Variants in MCTP2 observed in about 807,000 individuals in gnomAD.
MCTP2 encodes multiple C2 and transmembrane domain containing 2.
MCTP2 carries 132 observed loss-of-function variants against 111.6 expected under a neutral mutation model. The observed-to-expected ratio is 1.18, with a 90% CI of 1.03 to 1.37. The LOEUF (loss-of-function observed/expected upper bound fraction) is 1.37. Among genes scored for constraint, MCTP2 ranks in the 40% most tolerant of loss-of-function variants. The probability of loss-of-function intolerance (pLI) is 0.00; values close to 1 mark genes in which losing one functional copy is unlikely to be tolerated. For synonymous variants in MCTP2, 395 were observed against 387.7 expected (o/e 1.02, Z -0.22); for missense variants, 1,183 against 1,067.9 (o/e 1.11, Z -1.50).
At chr15:94,366,723 G>A (rs918494897) in intron 10 of MCTP2, among the ~76,000 whole-genome samples, 6 of 152,072 alleles carry the variant, frequency 3.9e-5, no homozygotes, top group South Asian at 2.1e-4. Flanking sequence ...AAAAAATGAC[G>A]TCTGGGAATA....
chr15:94,354,291 G>A (rs545003775), intron 8 of MCTP2, among the ~76,000 whole-genome samples: 1 of 152,230 alleles, frequency 6.6e-6, no homozygotes, highest in Admixed American at 6.5e-5. Context: ...TATTGATATG[G>A]TTAGACTTTG....
intron 2 of MCTP2, among the ~76,000 whole-genome samples, chr15:94,301,677 G>C (rs1191163036): frequency 7.2e-5 from 11 of 152,126 alleles, no homozygotes; most frequent in Non-Finnish European, 8.8e-5. Flanking sequence ...TTTCCTGTGA[G>C]TTTTCTTTAG....
chr15:94,339,158 A>G (rs754583645), intron 4 of MCTP2, 132 bp from the exon 5 acceptor site: 3 of 586,278 alleles, frequency 5.1e-6, no homozygotes, highest in Admixed American at 3.3e-5. Context: ...CCTGTCTTCC[A>G]TCTCCGAGCC....
intron 20 of MCTP2, among the ~76,000 whole-genome samples, chr15:94,459,301 C>A (rs1407310731): frequency 5.9e-5 from 9 of 152,188 alleles, no homozygotes; most frequent in African/African-American, 2.2e-4. Flanking sequence ...CAAGGGAAAG[C>A]CTTATGCATT....
At chr15:94,365,918 C>T (rs954297738) in intron 10 of MCTP2, among the ~76,000 whole-genome samples, 8 of 152,106 alleles carry the variant, frequency 5.3e-5, no homozygotes, top group African/African-American at 1.9e-4. Context: ...ATTTACCTTT[C>T]CATAAGAAAG....
intron 1 of MCTP2, among the ~76,000 whole-genome samples, chr15:94,286,250 T>C (rs1316419671): frequency 6.6e-6 from 1 of 152,240 alleles, no homozygotes; most frequent in Non-Finnish European, 1.5e-5. Context: ...TCTATTAAAG[T>C]GCAGAATAAT....
chr15:94,304,701 T>G (rs1191208658), intron 2 of MCTP2, among the ~76,000 whole-genome samples: 2 of 152,186 alleles, frequency 1.3e-5, no homozygotes, highest in East Asian at 3.9e-4. Flanking sequence ...ATGGGCTCCA[T>G]GCTGAATGGC....
chr15:94,357,850 G>C (rs1447091137), intron 9 of MCTP2, among the ~76,000 whole-genome samples: 3 of 152,176 alleles, frequency 2.0e-5, no homozygotes. Context: ...CGTAGAAGCA[G>C]TTTGAATCAC....
chr15:94,404,813 T>C (rs1167574473), intron 17 of MCTP2, among the ~76,000 whole-genome samples: 1 of 152,174 alleles, frequency 6.6e-6, no homozygotes, highest in Non-Finnish European at 1.5e-5. Context: ...TGATGGGTTG[T>C]CTTTCTGCAA....
At chr15:94,475,855 C>A (rs1567796522) in intron 21 of MCTP2, among the ~76,000 whole-genome samples, 1 of 152,074 alleles carries the variant, frequency 6.6e-6, no homozygotes, top group African/African-American at 2.4e-5. Flanking sequence ...GCACGGGAAC[C>A]CAAGGTGCAG....
chr15:94,465,803 T>G lies in MCTP2; in HGVS notation c.2361-4530T>G, dbSNP rs143793164. ...TCTTCTGTATCTTTCCTCCACTTGC[T>G]AGGAATTGAAACACTCTTGCTATTC... On this transcript the variant is annotated intron_variant, in intron 20 of 22. Coordinates refer to ENST00000357742, the MANE Select transcript of MCTP2 (RefSeq NM_001385001.1). Among the ~76,000 whole-genome samples the G allele has an allele frequency of 4.6e-5, 7 of 152,322 alleles. No individual in the cohort carries two copies. In the East Asian group the frequency reaches 1.3e-3, roughly 29 times the overall value.
intron 12 of MCTP2, among the ~76,000 whole-genome samples, chr15:94,371,683 G>A: frequency 6.6e-6 from 1 of 152,006 alleles, no homozygotes; most frequent in Non-Finnish European, 1.5e-5. Flanking sequence ...TCCATATGTG[G>A]AAACCCTTTG....
intron 20 of MCTP2, among the ~76,000 whole-genome samples, chr15:94,467,402 G>T (rs1247319948): frequency 8.3e-5 from 7 of 83,984 alleles, no homozygotes; most frequent in East Asian, 6.2e-4. Flanking sequence ...ACCTGATATA[G>T]TTGTTACTTA....
At chr15:94,429,943 A>G (rs1434563993) in intron 17 of MCTP2, among the ~76,000 whole-genome samples, 1 of 152,172 alleles carries the variant, frequency 6.6e-6, no homozygotes, top group Admixed American at 6.5e-5. Context: ...TCTTCAAATC[A>G]TTCTCAATCA....
At chr15:94,316,552 T>C (rs961867009) in intron 4 of MCTP2, among the ~76,000 whole-genome samples, 1 of 152,228 alleles carries the variant, frequency 6.6e-6, no homozygotes, top group African/African-American at 2.4e-5. Flanking sequence ...TCACCTACCT[T>C]ACAGGCTGTT....
chr15:94,307,214 C>G (rs941159307), intron 2 of MCTP2, among the ~76,000 whole-genome samples: 2 of 152,070 alleles, frequency 1.3e-5, no homozygotes, highest in African/African-American at 4.8e-5. Flanking sequence ...AGGTGGCAAG[C>G]TATAGATATA....
rs560939779 is a variant in MCTP2, at chr15:94,445,956, C to T, written c.2250+2996C>T. Among the ~76,000 whole-genome samples the T allele has an allele frequency of 3.2e-4, 49 of 152,324 alleles. 1 individual carries two copies. In the South Asian group the frequency reaches 0.01, roughly 32 times the overall value. Reference sequence around the variant, plus strand: ...AAAAGCGTGCCGGGGCCTGTTGGCACAACTTCCTCAGGAGATGAATGCTTT... The same window carrying T: ...AAAAGCGTGCCGGGGCCTGTTGGCATAACTTCCTCAGGAGATGAATGCTTT... On this transcript the variant is annotated intron_variant, in intron 19 of 22. Transcript: ENST00000357742.
At chr15:94,316,624 A>G (rs12906024) in intron 4 of MCTP2, among the ~76,000 whole-genome samples, 48,645 of 152,104 alleles carry the variant, frequency 0.32, 8,033 homozygotes, top group Admixed American at 0.43. Flanking sequence ...TTTCTTCTAA[A>G]TTTTTATAAT....
chr15:94,235,363 C>T (rs770127764), intron 1 of MCTP2, among the ~76,000 whole-genome samples: 3 of 152,094 alleles, frequency 2.0e-5, no homozygotes, highest in Non-Finnish European at 2.9e-5. Context: ...TAGAAATGCA[C>T]GTTCTCAGGC....
Sources: gnomAD v4.1 joint callset for allele counts (sites outside exome capture counted in the v4.1 genomes callset) on GRCh38, gnomAD v4.1.1 for gene constraint, MANE v1.5 for transcripts, NCBI Gene and HGNC (gene_info 2026-07-23, HGNC 2026-07-21) for gene names.